Variants in CAMTA1 observed in about 807,000 individuals in gnomAD.
CAMTA1 encodes calmodulin binding transcription activator 1.
Under a neutral mutation model 170.9 loss-of-function variants are expected in CAMTA1, and 27 were observed. That is an observed-to-expected ratio of 0.16 (90% CI 0.12 to 0.22). CAMTA1 has a LOEUF of 0.22. Among genes scored for constraint, CAMTA1 ranks in the 10% least tolerant of loss-of-function variants. CAMTA1 has a pLI of 1.00. For missense variants in CAMTA1, 1,619 were observed against 2,217.2 expected, an observed-to-expected ratio of 0.73 and a Z score of 5.42; for synonymous variants, 833 against 891.5, an observed-to-expected ratio of 0.93 and a Z score of 1.17.
chr1:7,671,122 G>T, intron 10 of CAMTA1, 85 bp downstream of exon 10: 1 of 1,466,710 alleles, frequency 6.8e-7, no homozygotes, highest in Non-Finnish European at 9.4e-7. Context: ...GGGTGACCTT[G>T]AGCAGGTCAT....
intron 6 of CAMTA1, among the ~76,000 whole-genome samples, chr1:7,551,659 C>G (rs920982169): frequency 2.6e-5 from 4 of 152,330 alleles, no homozygotes; most frequent in African/African-American, 7.2e-5. Flanking sequence ...GTGGCTTTGC[C>G]TGAATAGGGC....
rs1659746269 is a variant in CAMTA1, at chr1:7,216,330, C to G, written c.303-33161C>G. Among the ~76,000 whole-genome samples, 1 of 152,174 alleles carries G rather than the reference C, an allele frequency of 6.6e-6. No homozygotes were observed. The highest frequency in any genetic ancestry group is 2.4e-5 in the African/African-American group (1 of 41,448). The stretch of plus-strand genomic sequence containing the variant: ...TGAGATTTGGGTGGGGACACACATG[C>G]AAACCACATCAGTGACAAATTGATT... On this transcript the variant is annotated intron_variant, in intron 4 of 22. Transcript: ENST00000303635. This position sits in a 1 kb window ranked among gnomAD's most constrained non-coding sequence, Gnocchi z 4.0.
At chr1:6,914,575 G>T (rs1012953714) in intron 3 of CAMTA1, among the ~76,000 whole-genome samples, 4 of 152,170 alleles carry the variant, frequency 2.6e-5, no homozygotes, top group African/African-American at 9.6e-5. Flanking sequence ...GCCATTTTTT[G>T]TGGCCTCCGA....
intron 2 of CAMTA1, among the ~76,000 whole-genome samples, chr1:6,822,249 A>G (rs1427700745): frequency 1.3e-5 from 2 of 152,152 alleles, no homozygotes; most frequent in Non-Finnish European, 2.9e-5. Flanking sequence ...TTATTTTATC[A>G]TTCTTAGTTA....
chr1:7,664,848 C>T lies in CAMTA1; in HGVS notation c.2301C>T (p.Ile767=), dbSNP rs779007431. The T allele has an allele frequency of 9.9e-6, 16 of 1,613,388 alleles. No homozygotes were observed. Among genetic ancestry groups the T allele is most frequent in the Non-Finnish European group, 1.3e-5 (15 of 1,180,042 alleles). ...NMELSLDHFD[I]SFSNQFSDLI... ...AGCTCAGCCTGGACCACTTTGACAT[C>T]TCCTTCAGCAACCAGTTCTCCGACC... Residue 767 remains isoleucine, a synonymous_variant, in exon 9 of 23, where the codon ATC becomes ATT. Transcript: ENST00000303635.
At chr1:7,360,843 G>GA (rs2085485980) in intron 5 of CAMTA1, among the ~76,000 whole-genome samples, 1 of 152,236 alleles carries the variant, frequency 6.6e-6, no homozygotes, top group Middle Eastern at 3.2e-3. Context: ...GGAGTTGCCT[G>GA]CACCAATTGG....
At chr1:7,398,191 CTCTATATATATATATATATATATA>C (rs1440063270) in intron 5 of CAMTA1, among the ~76,000 whole-genome samples, 29 of 26,908 alleles carry the variant, frequency 1.1e-3, no homozygotes, top group African/African-American at 3.7e-3. Context: ...CTCTCTCTCT[CTCTATATATATATATATATATATA>C]TATATATATA....
In CAMTA1 at chr1:7,237,531, G is replaced by A. The variant is rs75104902; in HGVS notation, c.303-11960G>A. On this transcript the variant is annotated intron_variant, in intron 4 of 22. Coordinates refer to ENST00000303635, the MANE Select transcript of CAMTA1 (RefSeq NM_015215.4). ...GATGCATTGATTTCTAAAGCAAGAC[G>A]CTGGAAAGAGTGTCTACACTTTTTA... 3.9e-3 allele frequency among the ~76,000 whole-genome samples: 589 copies of A among 152,278 alleles called. 5 individuals are homozygous for A. The highest frequency in any genetic ancestry group is 0.013 in the African/African-American group (553 of 41,552).
chr1:7,092,811 G>C lies in CAMTA1; in HGVS notation c.302+1440G>C, dbSNP rs1224139485. ...TGCATCATTTTGCTGTGGGACCTAGGCTGAGGAAGCCCCCTCTGCCTGGGA... is the reference window on the plus strand; with the variant it reads ...TGCATCATTTTGCTGTGGGACCTAGCCTGAGGAAGCCCCCTCTGCCTGGGA... On this transcript the variant is annotated intron_variant, in intron 4 of 22. Coordinates refer to ENST00000303635, the MANE Select transcript of CAMTA1 (RefSeq NM_015215.4). The surrounding 1 kb of genome is among the most constrained non-coding windows in gnomAD (Gnocchi z 5.0). Among the ~76,000 whole-genome samples the C allele has an allele frequency of 6.6e-6, 1 of 152,228 alleles. No individual in the cohort carries two copies. Among genetic ancestry groups the C allele is most frequent in the Non-Finnish European group, 1.5e-5 (1 of 68,042 alleles).
At chr1:7,030,372 A>G (rs1702617109) in intron 3 of CAMTA1, among the ~76,000 whole-genome samples, 2 of 152,206 alleles carry the variant, frequency 1.3e-5, no homozygotes, top group African/African-American at 4.8e-5. Flanking sequence ...CAGATCTTCC[A>G]CATGTTGACA....
chr1:7,567,303 G>A (rs1394514755), intron 6 of CAMTA1, among the ~76,000 whole-genome samples: 2 of 152,214 alleles, frequency 1.3e-5, no homozygotes, highest in Non-Finnish European at 2.9e-5. Flanking sequence ...ACCAGGGCAG[G>A]CAGGACTGCT....
intron 16 of CAMTA1, among the ~76,000 whole-genome samples, chr1:7,740,473 T>G: frequency 6.6e-6 from 1 of 151,856 alleles, no homozygotes; most frequent in East Asian, 1.9e-4. Flanking sequence ...TATATAAACA[T>G]AAATATCTAG....
At chr1:7,756,706 G>C (rs1464219261) in intron 22 of CAMTA1, among the ~76,000 whole-genome samples, 1 of 152,020 alleles carries the variant, frequency 6.6e-6, no homozygotes, top group African/African-American at 2.4e-5. Flanking sequence ...AAATTAACCA[G>C]GCGTGGTAGG....
Position 6,817,378 on chromosome 1 carries a change from G to T in CAMTA1, c.46-2803G>T, listed in dbSNP as rs111593252. On this transcript the variant is annotated intron_variant, in intron 1 of 22. Transcript: ENST00000303635. ...AATTCAGAAACTAAATTAAAATGAG[G>T]TATTACATTCATGTGATTAGTGGGC... is the stretch of plus-strand genomic sequence containing the variant. 4.3e-4 allele frequency among the ~76,000 whole-genome samples: 65 copies of T among 152,252 alleles called. 1 individual carries two copies. The highest frequency in any genetic ancestry group is 1.5e-3 in the African/African-American group (62 of 41,546).
chr1:6,822,715 G>A (rs1646631055), intron 2 of CAMTA1, among the ~76,000 whole-genome samples: 1 of 151,710 alleles, frequency 6.6e-6, no homozygotes, highest in Admixed American at 6.6e-5. Context: ...TGCCTGATTT[G>A]GTATCAGAGT....
chr1:7,009,414 A>G lies in CAMTA1; in HGVS notation c.235-81890A>G, dbSNP rs544876106. ...TGGTTCCAGGACCCAGGTCCAGCTC[A>G]GTGGCCAAGGAAAGCCCTTGCCTGC... is the stretch of plus-strand genomic sequence containing the variant. On this transcript the variant is annotated intron_variant, in intron 3 of 22. Coordinates refer to ENST00000303635, the MANE Select transcript of CAMTA1 (RefSeq NM_015215.4). Among the ~76,000 whole-genome samples the G allele has an allele frequency of 2.6e-5, 4 of 152,298 alleles. No homozygotes were observed. The South Asian group carries it at 8.3e-4, about 32-fold the overall frequency.
intron 3 of CAMTA1, among the ~76,000 whole-genome samples, chr1:7,029,112 A>G (rs1428774230): frequency 6.6e-6 from 1 of 152,210 alleles, no homozygotes; most frequent in Non-Finnish European, 1.5e-5. Context: ...GTTAGAGGGT[A>G]ACAAGGATTA....
chr1:6,911,658 C>G (rs1168175039), intron 3 of CAMTA1, among the ~76,000 whole-genome samples: 1 of 152,178 alleles, frequency 6.6e-6, no homozygotes, highest in Non-Finnish European at 1.5e-5. Flanking sequence ...GAGGCCAGAT[C>G]CACCCCTCCC....
intron 3 of CAMTA1, among the ~76,000 whole-genome samples, chr1:6,928,965 C>T (rs1019523461): frequency 3.3e-5 from 5 of 152,106 alleles, no homozygotes; most frequent in Non-Finnish European, 5.9e-5. Context: ...CACCAGCAAG[C>T]GTGTCTGTAG....
Sources: allele counts gnomAD v4.1 joint callset (sites outside exome capture counted in the v4.1 genomes callset), GRCh38; gene constraint gnomAD v4.1.1; non-coding constraint Gnocchi (gnomAD v3.1); transcripts MANE v1.5; gene names NCBI Gene and HGNC (gene_info 2026-07-23, HGNC 2026-07-21).